Variants in PTPRK observed in about 807,000 individuals in gnomAD.
PTPRK encodes the protein protein tyrosine phosphatase receptor type K.
Under a neutral mutation model 178.0 loss-of-function variants are expected in PTPRK, and 75 were observed. That is an observed-to-expected ratio of 0.42 (90% CI 0.35 to 0.51). The LOEUF (loss-of-function observed/expected upper bound fraction) is 0.51, where lower values mean the gene tolerates loss of function less well. Among genes scored for constraint, PTPRK ranks in the 20% least tolerant of loss-of-function variants. The pLI is 0.02. For synonymous variants in PTPRK, 637 were observed against 620.6 expected (o/e 1.03, Z -0.39); for missense variants, 1,441 against 1,797.8 (o/e 0.80, Z 3.59).
chr6:128,474,699 A>G (rs2128420512), intron 1 of PTPRK, among the ~76,000 whole-genome samples: 1 of 152,272 alleles, frequency 6.6e-6, no homozygotes, highest in East Asian at 1.9e-4. Flanking sequence ...CACTGTCATT[A>G]TCTTTTTCTT....
At chr6:128,095,676 A>G (rs1787794129) in intron 7 of PTPRK, among the ~76,000 whole-genome samples, 1 of 152,192 alleles carries the variant, frequency 6.6e-6, no homozygotes, top group Non-Finnish European at 1.5e-5. Context: ...GTTTTCATAT[A>G]CTTGAAGAAC....
intron 1 of PTPRK, among the ~76,000 whole-genome samples, chr6:128,518,163 A>G (rs1006524743): frequency 2.6e-5 from 4 of 152,242 alleles, no homozygotes; most frequent in Admixed American, 2.6e-4. Context: ...CAAAATCTTG[A>G]GATGCAATCC....
intron 3 of PTPRK, among the ~76,000 whole-genome samples, chr6:128,259,342 G>C (rs983471352): frequency 2.0e-5 from 3 of 152,144 alleles, no homozygotes; most frequent in Admixed American, 1.3e-4. Context: ...GAAATTGTCA[G>C]ATTGGGACAG....
At chr6:128,102,676 C>T (rs1263616439) in intron 7 of PTPRK, among the ~76,000 whole-genome samples, 2 of 152,180 alleles carry the variant, frequency 1.3e-5, no homozygotes, top group East Asian at 3.9e-4. Flanking sequence ...ATGTTAATCT[C>T]CAGCTAAACC....
intron 1 of PTPRK, among the ~76,000 whole-genome samples, chr6:128,518,412 A>T (rs1295082313): frequency 6.6e-6 from 1 of 152,252 alleles, no homozygotes; most frequent in African/African-American, 2.4e-5. Flanking sequence ...AGGGTAAATA[A>T]CATTTAAAAA....
chr6:128,009,034 T>A lies in PTPRK; in HGVS notation c.2333+96A>T, dbSNP rs958243909. On this transcript the variant is annotated intron_variant, in intron 14 of 29. Transcript: ENST00000368226. Reference sequence around the variant, plus strand: ...GTTAAAATTAAAATTTTCTTCCTGTTGTTTGTTCTAATTTAAAGGATCTTG... The same window carrying A: ...GTTAAAATTAAAATTTTCTTCCTGTAGTTTGTTCTAATTTAAAGGATCTTG... 3.9e-5 allele frequency: 45 copies of A among 1,162,358 alleles called. 1 individual carries two copies. The highest frequency in any genetic ancestry group is 5.3e-5 in the Non-Finnish European group (45 of 846,062). 72.0% of individuals were successfully genotyped at this position (1,162,358 alleles called of 1,614,324 possible).
intron 1 of PTPRK, among the ~76,000 whole-genome samples, chr6:128,468,863 C>T (rs190399415): frequency 9.7e-4 from 134 of 138,266 alleles, no homozygotes; most frequent in South Asian, 4.0e-3. Context: ...AATCTCTGTA[C>T]GAAATGAAAA....
chr6:128,076,788 A>G (rs1783906669), intron 11 of PTPRK, among the ~76,000 whole-genome samples: 1 of 152,056 alleles, frequency 6.6e-6, no homozygotes, highest in South Asian at 2.1e-4. Context: ...TCAATAACAT[A>G]CTGAGTTAAC....
chr6:128,095,042 A>G (rs750667595), intron 7 of PTPRK, among the ~76,000 whole-genome samples: 12 of 152,094 alleles, frequency 7.9e-5, no homozygotes, highest in Non-Finnish European at 1.6e-4. Flanking sequence ...ATTCATTCAC[A>G]AGAGAGGCCA....
chr6:128,219,362 C>T (rs1326657137), intron 5 of PTPRK, among the ~76,000 whole-genome samples: 3 of 152,194 alleles, frequency 2.0e-5, no homozygotes, highest in Non-Finnish European at 4.4e-5. Flanking sequence ...TGAAACTGTT[C>T]CACCTCAAAT....
At chr6:128,358,036 T>G (rs770418376) in intron 2 of PTPRK, among the ~76,000 whole-genome samples, 34 of 152,192 alleles carry the variant, frequency 2.2e-4, no homozygotes, top group Non-Finnish European at 1.5e-5. Flanking sequence ...AATGACAATT[T>G]TACTTCAGAT....
chr6:128,315,458 A>C (rs1263601118), intron 3 of PTPRK, among the ~76,000 whole-genome samples: 2 of 152,146 alleles, frequency 1.3e-5, no homozygotes, highest in Non-Finnish European at 2.9e-5. Context: ...TGGTGTGTGC[A>C]ATGATTATTT....
At chr6:128,313,040 T>C (rs552435735) in intron 3 of PTPRK, among the ~76,000 whole-genome samples, 5 of 152,292 alleles carry the variant, frequency 3.3e-5, no homozygotes, top group African/African-American at 1.2e-4. Flanking sequence ...ATTGAATACT[T>C]AATCAGCAAG....
intron 1 of PTPRK, among the ~76,000 whole-genome samples, chr6:128,423,197 C>A (rs1397585625): frequency 6.6e-6 from 1 of 152,104 alleles, no homozygotes; most frequent in East Asian, 1.9e-4. Context: ...TATAAAGTGA[C>A]TAAACTTCAT....
chr6:128,111,624 A>G (rs1173815245), intron 7 of PTPRK, among the ~76,000 whole-genome samples: 2 of 150,754 alleles, frequency 1.3e-5, no homozygotes, highest in East Asian at 3.8e-4. Context: ...TTTCTAAGTT[A>G]TAGGAACACA....
At chr6:128,362,576 G>A (rs1834927256) in intron 2 of PTPRK, among the ~76,000 whole-genome samples, 1 of 152,156 alleles carries the variant, frequency 6.6e-6, no homozygotes, top group Non-Finnish European at 1.5e-5. Context: ...TGTAACCTTT[G>A]ATTCCTCATT....
At chr6:128,440,154 T>C (rs970301566) in intron 1 of PTPRK, among the ~76,000 whole-genome samples, 1 of 152,196 alleles carries the variant, frequency 6.6e-6, no homozygotes, top group African/African-American at 2.4e-5. Flanking sequence ...GATTTTGGTA[T>C]GGGCAAGGGG....
intron 1 of PTPRK, among the ~76,000 whole-genome samples, chr6:128,441,679 G>A (rs79669972): frequency 0.017 from 2,521 of 152,192 alleles, 30 homozygotes; most frequent in Non-Finnish European, 0.027. Flanking sequence ...AACACAGTCC[G>A]CAAACAAGGA....
At chr6:128,217,861 T>C (rs936233797) in intron 6 of PTPRK, among the ~76,000 whole-genome samples, 23 of 152,170 alleles carry the variant, frequency 1.5e-4, no homozygotes, top group African/African-American at 5.5e-4. Context: ...CCAGTTTAGA[T>C]ATTTTTGCTA....
Sources: gnomAD v4.1 joint callset for allele counts (sites outside exome capture counted in the v4.1 genomes callset) on GRCh38, gnomAD v4.1.1 for gene constraint, MANE v1.5 for transcripts, NCBI Gene and HGNC (gene_info 2026-07-23, HGNC 2026-07-21) for gene names.